DLG2: variants seen among roughly 807,000 people sequenced by gnomAD.
DLG2 encodes disks large homolog 2.
Under a neutral mutation model 132.5 loss-of-function variants are expected in DLG2, and 45 were observed. That is an observed-to-expected ratio of 0.34 (90% CI 0.27 to 0.44). The LOEUF is 0.44. Among genes scored for constraint, DLG2 ranks in the 20% least tolerant of loss-of-function variants. DLG2 has a pLI of 1.00. For synonymous variants in DLG2, 424 were observed against 419.6 expected (o/e 1.01, Z -0.13); for missense variants, 1,045 against 1,196.9 (o/e 0.87, Z 1.87).
intron 3 of DLG2, among the ~76,000 whole-genome samples, chr11:85,454,587 T>C (rs1484031050): frequency 2.0e-5 from 3 of 151,020 alleles, no homozygotes; most frequent in Non-Finnish European, 4.4e-5. Context: ...TTTGGCATCA[T>C]TGTCATGAAA....
chr11:83,938,414 T>C (rs1314213073), intron 14 of DLG2, among the ~76,000 whole-genome samples: 1 of 152,174 alleles, frequency 6.6e-6, no homozygotes, highest in Non-Finnish European at 1.5e-5. Context: ...AAGAGGGCTT[T>C]CTAGAAAGTG....
In DLG2 at chr11:83,928,129, T is replaced by C. The variant is rs147411943; in HGVS notation, c.1496+2199A>G. On this transcript the variant is annotated intron_variant, in intron 15 of 27. Coordinates refer to ENST00000376104, the MANE Select transcript of DLG2 (RefSeq NM_001142699.3). The stretch of plus-strand genomic sequence containing the variant: ...AAAGATAAGATAAAGAATAAGATAA[T>C]GGAAAAAGAAAAAAAGAAGGAGAAA... Among the ~76,000 whole-genome samples the C allele has an allele frequency of 5.3e-5, 8 of 150,554 alleles. No individual in the cohort carries two copies. In the East Asian group the frequency reaches 1.6e-3, roughly 30 times the overall value.
intron 6 of DLG2, among the ~76,000 whole-genome samples, chr11:84,722,207 G>A (rs760306784): frequency 5.9e-5 from 9 of 152,108 alleles, no homozygotes; most frequent in Non-Finnish European, 1.2e-4. Context: ...GTAATTCCAA[G>A]ACACTTAACA....
At chr11:85,437,692 T>C (rs1044909083) in intron 3 of DLG2, among the ~76,000 whole-genome samples, 2 of 152,170 alleles carry the variant, frequency 1.3e-5, no homozygotes, top group African/African-American at 4.8e-5. Context: ...AAATCATTTG[T>C]TTTTTAACTA....
At chr11:84,787,266 T>C (rs2153931158) in intron 6 of DLG2, among the ~76,000 whole-genome samples, 1 of 152,248 alleles carries the variant, frequency 6.6e-6, no homozygotes, top group East Asian at 1.9e-4. Context: ...CATTGTTCTC[T>C]TTTCTTCTGC....
At chr11:85,284,339 G>T (rs1034995843) in intron 4 of DLG2, among the ~76,000 whole-genome samples, 1 of 151,552 alleles carries the variant, frequency 6.6e-6, no homozygotes, top group East Asian at 1.9e-4. Context: ...TTACAAATCA[G>T]CTCTGAGCAG....
At chr11:83,725,639 A>ACTTT (rs1352397063) in intron 18 of DLG2, among the ~76,000 whole-genome samples, 4 of 152,212 alleles carry the variant, frequency 2.6e-5, no homozygotes, top group African/African-American at 9.7e-5. Context: ...CAACATCAAG[A>ACTTT]CTTTGTTAGT....
chr11:83,834,131 G>C (rs1412239087), intron 16 of DLG2, among the ~76,000 whole-genome samples: 2 of 152,198 alleles, frequency 1.3e-5, no homozygotes, highest in Admixed American at 1.3e-4. Context: ...GGGAAGAAGA[G>C]ACTAAGGTTG....
chr11:85,224,202 G>A (rs2074838132), intron 4 of DLG2, among the ~76,000 whole-genome samples: 1 of 152,110 alleles, frequency 6.6e-6, no homozygotes, highest in African/African-American at 2.4e-5. Flanking sequence ...TGAATTTCTA[G>A]AGCTACAACT....
intron 7 of DLG2, among the ~76,000 whole-genome samples, chr11:84,471,294 ACCCCTTC>A (rs1225402202): frequency 6.6e-6 from 1 of 151,266 alleles, no homozygotes; most frequent in African/African-American, 2.4e-5. Context: ...AATGCTGTTC[ACCCCTTC>A]CCTTTCCTCC....
chr11:84,579,188 C>T (rs1592807192), intron 6 of DLG2, among the ~76,000 whole-genome samples: 1 of 145,596 alleles, frequency 6.9e-6, no homozygotes. Context: ...GCATTATTCA[C>T]GTGTGTGTGT....
intron 16 of DLG2, among the ~76,000 whole-genome samples, chr11:83,865,673 T>C (rs1313237850): frequency 6.6e-6 from 1 of 151,852 alleles, no homozygotes; most frequent in Non-Finnish European, 1.5e-5. Flanking sequence ...GGTAGATAAA[T>C]AGGCAAACAA....
intron 7 of DLG2, among the ~76,000 whole-genome samples, chr11:84,330,037 A>C (rs547967170): frequency 8.5e-5 from 13 of 152,326 alleles, no homozygotes; most frequent in African/African-American, 3.1e-4. Flanking sequence ...TTGTTGTGAA[A>C]ATAACATAAG....
chr11:84,379,509 G>T (rs147045538), intron 7 of DLG2, among the ~76,000 whole-genome samples: 1 of 152,074 alleles, frequency 6.6e-6, no homozygotes, highest in South Asian at 2.1e-4. Context: ...ATAAGAAGAT[G>T]AGAAATGAGA....
chr11:85,107,402 G>C (rs1277437706), intron 6 of DLG2, among the ~76,000 whole-genome samples: 1 of 151,946 alleles, frequency 6.6e-6, no homozygotes, highest in Non-Finnish European at 1.5e-5. Flanking sequence ...CTGGGTTTGG[G>C]GATATTCCTC....
chr11:83,758,108 A>G (rs1463320480), intron 18 of DLG2, among the ~76,000 whole-genome samples: 1 of 152,204 alleles, frequency 6.6e-6, no homozygotes, highest in African/African-American at 2.4e-5. Flanking sequence ...TTTTCTTGGG[A>G]GAAAGACTCT....
At chr11:85,084,224 G>C (rs2067610216) in intron 6 of DLG2, among the ~76,000 whole-genome samples, 1 of 152,136 alleles carries the variant, frequency 6.6e-6, no homozygotes, top group Non-Finnish European at 1.5e-5. Context: ...AGAGAAAGTA[G>C]AGAATTTCTG....
intron 17 of DLG2, among the ~76,000 whole-genome samples, chr11:83,788,348 C>T (rs77713322): frequency 0.033 from 5,079 of 152,238 alleles, 137 homozygotes; most frequent in Middle Eastern, 0.061. Flanking sequence ...GTGGTGAACT[C>T]CTTACAGAAA....
intron 3 of DLG2, among the ~76,000 whole-genome samples, chr11:85,296,191 T>A (rs1353455143): frequency 6.6e-6 from 1 of 152,162 alleles, no homozygotes; most frequent in Non-Finnish European, 1.5e-5. Flanking sequence ...TGGAGGAATC[T>A]TTGCTGTCAG....
Sources: gnomAD v4.1 joint callset for allele counts (sites outside exome capture counted in the v4.1 genomes callset) on GRCh38, gnomAD v4.1.1 for gene constraint, MANE v1.5 for transcripts, NCBI Gene and HGNC (gene_info 2026-07-23, HGNC 2026-07-21) for gene names.